PALM2AKAP2: variants seen among roughly 807,000 people sequenced by gnomAD.
The protein encoded by PALM2AKAP2 is PALM2 and AKAP2 fusion, also known as PALM2-AKAP2 fusion protein.
PALM2AKAP2 carries 37 observed loss-of-function variants against 71.5 expected under a neutral mutation model. The ratio of observed to expected loss-of-function variants is 0.52; its 90% confidence interval spans 0.40 to 0.68. The LOEUF is 0.68. Ranked by LOEUF, PALM2AKAP2 falls within the 30% of genes least tolerant of loss-of-function variation. The pLI is 0.00. For missense variants in PALM2AKAP2, 1,224 were observed against 1,191.8 expected (o/e 1.03, Z -0.40); for synonymous variants, 468 against 478.8 (o/e 0.98, Z 0.29).
intron 1 of PALM2AKAP2, among the ~76,000 whole-genome samples, chr9:109,825,808 A>T (rs1327128711): frequency 6.6e-6 from 1 of 152,220 alleles, no homozygotes; most frequent in East Asian, 1.9e-4. Context: ...CAGTGTGGCG[A>T]TTCCTCAGGG....
chr9:109,647,529 G>A (rs773926730), intron 1 of PALM2AKAP2, among the ~76,000 whole-genome samples: 7 of 152,164 alleles, frequency 4.6e-5, no homozygotes, highest in African/African-American at 9.7e-5. Context: ...AGGTGCCTCC[G>A]GAAGTATTGT....
intron 1 of PALM2AKAP2, among the ~76,000 whole-genome samples, chr9:109,796,771 G>A (rs1827267437): frequency 6.6e-6 from 1 of 152,160 alleles, no homozygotes; most frequent in African/African-American, 2.4e-5. Flanking sequence ...ACTATCATGA[G>A]AACAGCATGG....
At chr9:109,972,361 A>G (rs1832084034) in intron 6 of PALM2AKAP2, among the ~76,000 whole-genome samples, 1 of 152,190 alleles carries the variant, frequency 6.6e-6, no homozygotes, top group South Asian at 2.1e-4. Flanking sequence ...ACCTGCTGAT[A>G]TAGGAGGAAC....
intron 6 of PALM2AKAP2, among the ~76,000 whole-genome samples, chr9:109,933,065 G>A (rs1468583794): frequency 6.6e-6 from 1 of 152,200 alleles, no homozygotes; most frequent in Non-Finnish European, 1.5e-5. Context: ...TATCTGTTGG[G>A]CATCTCTGTA....
At chr9:109,781,412 G>A (rs1829447339) in intron 1 of PALM2AKAP2, among the ~76,000 whole-genome samples, 1 of 152,098 alleles carries the variant, frequency 6.6e-6, no homozygotes, top group Non-Finnish European at 1.5e-5. Context: ...TAAAAAAGAA[G>A]GTCCGTTAAC....
chr9:110,129,635 T>C (rs1001181068), intron 1 of PALM2AKAP2, among the ~76,000 whole-genome samples: 1 of 152,230 alleles, frequency 6.6e-6, no homozygotes, highest in Non-Finnish European at 1.5e-5. Flanking sequence ...CTATTAGACA[T>C]GTGTCAACCA....
chr9:109,696,166 C>T (rs1827967408), intron 1 of PALM2AKAP2, among the ~76,000 whole-genome samples: 1 of 151,862 alleles, frequency 6.6e-6, no homozygotes, highest in East Asian at 1.9e-4. Flanking sequence ...ATAGAAAAGT[C>T]ACTTTGAAAA....
At position 109,911,185 on chromosome 9, in the gene PALM2AKAP2, A is replaced by C. The variant is rs999099312; in HGVS notation, c.258-12550A>C. 3.3e-5 allele frequency among the ~76,000 whole-genome samples: 5 copies of C among 152,140 alleles called. No homozygotes were observed. In the South Asian group the frequency reaches 8.3e-4, roughly 25 times the overall value. ...CTTCCTAGAAAAAAGGGACATTTTT[A>C]GGGGGAAAAGGAGGGGGTTTAAGCT... On this transcript the variant is annotated intron_variant, in intron 3 of 9. Transcript: ENST00000302798.
chr9:110,115,175 G>A (rs1835336683), intron 1 of PALM2AKAP2, among the ~76,000 whole-genome samples: 1 of 152,194 alleles, frequency 6.6e-6, no homozygotes, highest in Non-Finnish European at 1.5e-5. Context: ...TTTTCCCAGA[G>A]GATGGTCCAG....
intron 6 of PALM2AKAP2, among the ~76,000 whole-genome samples, chr9:110,003,953 A>G (rs1832729084): frequency 6.6e-6 from 1 of 152,190 alleles, no homozygotes; most frequent in African/African-American, 2.4e-5. Flanking sequence ...TCCTGAATAT[A>G]GCACACTGAT....
At chr9:109,698,828 G>A (rs1455410799) in intron 1 of PALM2AKAP2, among the ~76,000 whole-genome samples, 1 of 152,158 alleles carries the variant, frequency 6.6e-6, no homozygotes, top group Non-Finnish European at 1.5e-5. Context: ...GAAAGGACAA[G>A]CCATAGTGAA....
chr9:109,891,592 G>A (rs952751768), intron 3 of PALM2AKAP2, among the ~76,000 whole-genome samples: 1 of 152,064 alleles, frequency 6.6e-6, no homozygotes. Flanking sequence ...GGATTCAAGC[G>A]ATTCTCTCCT....
chr9:109,835,927 T>A (rs1405770588), intron 1 of PALM2AKAP2, among the ~76,000 whole-genome samples: 1 of 152,208 alleles, frequency 6.6e-6, no homozygotes, highest in Non-Finnish European at 1.5e-5. Context: ...GAGGCCTGCC[T>A]GCCTCAGTAG....
rs535271745 is a variant in PALM2AKAP2, at chr9:110,009,713, CAAAAAAAA to C, written c.497-6229_497-6222del. On this transcript the variant is annotated intron_variant, in intron 6 of 9. Transcript: ENST00000302798. ...TGGGCAACAAAGTGAGACTCTGTCT[CAAAAAAAA>C]AAAAAAAAAAAGATGCAAAGTTATT... is the stretch of plus-strand genomic sequence containing the variant. 1.8e-4 allele frequency among the ~76,000 whole-genome samples: 13 copies of C among 71,910 alleles called. No homozygotes were observed. The South Asian group carries it at 5.0e-3, about 28-fold the overall frequency. 47.2% of individuals were successfully genotyped at this position (71,910 alleles called of 152,430 possible).
intron 1 of PALM2AKAP2, among the ~76,000 whole-genome samples, chr9:109,804,894 T>A (rs1031079336): frequency 2.0e-5 from 3 of 152,176 alleles, no homozygotes; most frequent in Non-Finnish European, 2.9e-5. Context: ...TAAATGCCCA[T>A]AATCTCATCA....
intron 1 of PALM2AKAP2, among the ~76,000 whole-genome samples, chr9:109,836,649 G>C (rs996030472): frequency 1.3e-5 from 2 of 152,296 alleles, no homozygotes; most frequent in African/African-American, 4.8e-5. Context: ...TAGACAAATG[G>C]CTAACTAGAA....
chr9:110,068,216 T>G (rs1834127014), intron 1 of PALM2AKAP2, among the ~76,000 whole-genome samples: 1 of 149,554 alleles, frequency 6.7e-6, no homozygotes, highest in South Asian at 2.1e-4. Context: ...TCATGATGGA[T>G]TAAGGAGGAC....
exon 1 of PALM2AKAP2, chr9:109,640,854 G>A (rs1564098386): frequency 1.3e-6 from 2 of 1,517,920 alleles, no homozygotes; most frequent in Non-Finnish European, 1.8e-6. Context: ...CGGCCGCGGA[G>A]CCCCGCGATG....
chr9:109,942,819 A>G (rs750936821), intron 6 of PALM2AKAP2: 6 of 1,614,050 alleles, frequency 3.7e-6, no homozygotes. Flanking sequence ...GTACCAAAGT[A>G]GTGTATGAGG....
Sources: allele counts gnomAD v4.1 joint callset (sites outside exome capture counted in the v4.1 genomes callset), GRCh38; gene constraint gnomAD v4.1.1; transcripts MANE v1.5; gene names NCBI Gene and HGNC (gene_info 2026-07-23, HGNC 2026-07-21).